The following CELSR1 variants were observed in gnomAD, a reference collection of about 807,000 sequenced individuals.
CELSR1 encodes adhesion G protein-coupled receptor C1.
A neutral mutation model predicts 249.1 loss-of-function variants in CELSR1; 110 were observed. The ratio of observed to expected loss-of-function variants is 0.44; its 90% confidence interval spans 0.38 to 0.52. CELSR1 has a LOEUF of 0.52. CELSR1 is among the 20% of genes least tolerant of loss of function. The probability of loss-of-function intolerance (pLI) is 0.00; values close to 1 mark genes in which losing one functional copy is unlikely to be tolerated. For missense variants in CELSR1, 4,109 were observed against 4,296.4 expected, an observed-to-expected ratio of 0.96 and a Z score of 1.22; for synonymous variants, 2,113 against 1,900.0, an observed-to-expected ratio of 1.11 and a Z score of -2.92.
In CELSR1 at chr22:46,423,890, G is replaced by A. The variant is rs2079507892; in HGVS notation, c.4611+9503C>T. On this transcript the variant is annotated intron_variant, in intron 5 of 34. Transcript: ENST00000674500. This position sits in a 1 kb window ranked among gnomAD's most constrained non-coding sequence, Gnocchi z 5.6. ...CTTGGGAGGCTGAGGGCAGGAGAATGGCTTGAACTCAGGAGGCGGAGGTTG... is the reference window on the plus strand; with the variant it reads ...CTTGGGAGGCTGAGGGCAGGAGAATAGCTTGAACTCAGGAGGCGGAGGTTG... Among the ~76,000 whole-genome samples, 2 of 151,452 alleles carry A rather than the reference G, an allele frequency of 1.3e-5. No homozygotes were observed. Among genetic ancestry groups the A allele is most frequent in the East Asian group, 3.9e-4 (2 of 5,120 alleles).
intron 1 of CELSR1, among the ~76,000 whole-genome samples, chr22:46,507,113 G>T (rs191542282): frequency 6.6e-6 from 1 of 152,188 alleles, no homozygotes. Flanking sequence ...TTGAACCAGG[G>T]AGGCGGAGGT....
In CELSR1 at chr22:46,437,641, C is replaced by G. The variant is rs1460441529; in HGVS notation, c.4407-1352G>C. On this transcript the variant is annotated intron_variant, in intron 3 of 34. Coordinates refer to ENST00000674500, the MANE Select transcript of CELSR1 (RefSeq NM_001378328.1). The surrounding 1 kb of genome is among the most constrained non-coding windows in gnomAD (Gnocchi z 4.9). ...TGGTGGGCACCTGTAATCCCAGCTA[C>G]TCAAGAGGTTGAGGCAGGAGAATTG... Among the ~76,000 whole-genome samples the G allele has an allele frequency of 6.6e-6, 1 of 151,878 alleles. No homozygotes were observed. Among genetic ancestry groups the G allele is most frequent in the African/African-American group, 2.4e-5 (1 of 41,286 alleles).
In CELSR1 at chr22:46,474,611, T is replaced by C. The variant is rs150058008; in HGVS notation, c.3545-10266A>G. 6.0e-3 allele frequency among the ~76,000 whole-genome samples: 912 copies of C among 152,190 alleles called. 10 individuals are homozygous for C. The highest frequency in any genetic ancestry group is 0.021 in the African/African-American group (854 of 41,516). The stretch of plus-strand genomic sequence containing the variant: ...TTCAAAATCCTTTCCTCTAGCTATT[T>C]TGAAATATACAATACAATATTATTA... On this transcript the variant is annotated intron_variant, in intron 1 of 34. Transcript: ENST00000674500.
intron 5 of CELSR1, among the ~76,000 whole-genome samples, chr22:46,426,537 G>A (rs1224221417): frequency 2.6e-5 from 4 of 152,108 alleles, no homozygotes; most frequent in Non-Finnish European, 5.9e-5. Context: ...CATTCCACTC[G>A]CGGGAGACCC....
rs562861318 is a variant in CELSR1 at position 46,475,829 on chromosome 22, C to G, written c.3545-11484G>C. Among the ~76,000 whole-genome samples, 5 of 152,248 alleles carry G rather than the reference C, an allele frequency of 3.3e-5. No individual in the cohort carries two copies. The South Asian group carries it at 1.0e-3, about 32-fold the overall frequency. The stretch of plus-strand genomic sequence containing the variant: ...ACAAAATAAAGCTCATATCCTAAGG[C>G]AGAAGTTAGAATCTAATTCAGGATT... On this transcript the variant is annotated intron_variant, in intron 1 of 34. Transcript: ENST00000674500.
chr22:46,490,246 G>GGGATT lies in CELSR1; in HGVS notation c.3545-25906_3545-25902dup, dbSNP rs1278730427. On this transcript the variant is annotated intron_variant, in intron 1 of 34. Coordinates refer to ENST00000674500, the MANE Select transcript of CELSR1 (RefSeq NM_001378328.1). The surrounding 1 kb of genome is among the most constrained non-coding windows in gnomAD (Gnocchi z 5.2). Reference sequence around the variant, plus strand: ...ATCTCATGAGACAGGAGCCAAAAGAGGGATTCCCCAGGGTCACCTGGAGAG... The same window carrying GGGATT: ...ATCTCATGAGACAGGAGCCAAAAGAGGGATTGGATTCCCCAGGGTCACCTGGAGAG... 6.6e-6 allele frequency among the ~76,000 whole-genome samples: 1 copy of GGGATT among 152,164 alleles called. No homozygotes were observed. Among genetic ancestry groups the GGGATT allele is most frequent in the Non-Finnish European group, 1.5e-5 (1 of 68,034 alleles).
In CELSR1 at chr22:46,362,174, G is replaced by A. The variant is rs909328742; in HGVS notation, c.*1049C>T. Reference sequence around the variant, plus strand: ...AACGCTTTAAGGTCCCAGGTCCCACGGGGAGCAGGAGCAAAGGACAAAGCC... The same window carrying A: ...AACGCTTTAAGGTCCCAGGTCCCACAGGGAGCAGGAGCAAAGGACAAAGCC... On this transcript the variant is annotated 3_prime_UTR_variant, in exon 35 of 35. Transcript: ENST00000674500. 4 of 152,252 alleles carry A rather than the reference G, an allele frequency of 2.6e-5. No homozygotes were observed. The highest frequency in any genetic ancestry group is 7.2e-5 in the African/African-American group (3 of 41,458). 9.4% of individuals were successfully genotyped at this position (152,252 alleles called of 1,614,324 possible). A position where few individuals can be genotyped will look rare whatever the true frequency, so the allele number is the denominator to read the frequency against.
rs368031445 is a variant in CELSR1 at position 46,471,370 on chromosome 22, C to T, written c.3545-7025G>A. 1.7e-4 allele frequency among the ~76,000 whole-genome samples: 26 copies of T among 152,128 alleles called. No homozygotes were observed. Among genetic ancestry groups the T allele is most frequent in the South Asian group, 8.3e-4 (4 of 4,818 alleles). On this transcript the variant is annotated intron_variant, in intron 1 of 34. Transcript: ENST00000674500. This position sits in a 1 kb window ranked among gnomAD's most constrained non-coding sequence, Gnocchi z 4.9. ...CAGGCCCCTATTAGTTACGTTATTA[C>T]ATTAGCATGGTAGGTTTGGGGGTCT... is the stretch of plus-strand genomic sequence containing the variant.
At position 46,374,247 on chromosome 22, in the gene CELSR1, G is replaced by T. The variant is rs933289862; in HGVS notation, c.7585-1190C>A. Among the ~76,000 whole-genome samples, 3 of 152,226 alleles carry T rather than the reference G, an allele frequency of 2.0e-5. No homozygotes were observed. The highest frequency in any genetic ancestry group is 4.8e-5 in the African/African-American group (2 of 41,466). ...TGGCTCAGGAAAAGGAAGGGGGTGA[G>T]AAGGTTGGTTGGCTGGATGGCTGCT... is the stretch of plus-strand genomic sequence containing the variant. On this transcript the variant is annotated intron_variant, in intron 24 of 34. Coordinates refer to ENST00000674500, the MANE Select transcript of CELSR1 (RefSeq NM_001378328.1). This position sits in a 1 kb window ranked among gnomAD's most constrained non-coding sequence, Gnocchi z 4.3.
rs1489945870 is a variant in CELSR1, at chr22:46,436,010, T to A, written c.4522+164A>T. 6.6e-6 allele frequency among the ~76,000 whole-genome samples: 1 copy of A among 152,176 alleles called. No individual in the cohort carries two copies. The highest frequency in any genetic ancestry group is 1.5e-5 in the Non-Finnish European group (1 of 68,030). On this transcript the variant is annotated intron_variant, in intron 4 of 34. Transcript: ENST00000674500. The surrounding 1 kb of genome is among the most constrained non-coding windows in gnomAD (Gnocchi z 5.9). ...CACCACGCCCGGCCTGTTATGAACATCTTTGTGTACTTTGGATTTCTTAAA... is the reference window on the plus strand; with the variant it reads ...CACCACGCCCGGCCTGTTATGAACAACTTTGTGTACTTTGGATTTCTTAAA...
chr22:46,507,765 AG>A (rs891543372), intron 1 of CELSR1, among the ~76,000 whole-genome samples: 4 of 151,282 alleles, frequency 2.6e-5, no homozygotes, highest in African/African-American at 9.7e-5. Flanking sequence ...TCAGTGGGGC[AG>A]GGGCCCCACT....
rs1474138670 is a variant in CELSR1 at position 46,406,281 on chromosome 22, G to C, written c.5226+2715C>G. On this transcript the variant is annotated intron_variant, in intron 9 of 34. Coordinates refer to ENST00000674500, the MANE Select transcript of CELSR1 (RefSeq NM_001378328.1). This position sits in a 1 kb window ranked among gnomAD's most constrained non-coding sequence, Gnocchi z 5.4. ...AAGTTTTGGCCTGGAGCAAGCTTCT[G>C]GGGCTGCCTGGGAGACTCATGAAAT... Among the ~76,000 whole-genome samples the C allele has an allele frequency of 2.6e-5, 4 of 152,220 alleles. No individual in the cohort carries two copies. Among genetic ancestry groups the C allele is most frequent in the Non-Finnish European group, 4.4e-5 (3 of 68,040 alleles).
At chr22:46,463,472 C>T (rs903112978) in intron 2 of CELSR1, among the ~76,000 whole-genome samples, 15 of 151,338 alleles carry the variant, frequency 9.9e-5, no homozygotes, top group South Asian at 2.1e-4. Flanking sequence ...GCGAAGATTA[C>T]GCCACTGCAC....
intron 3 of CELSR1, 39 bp downstream of exon 3, chr22:46,439,150 A>T: frequency 6.4e-7 from 1 of 1,573,360 alleles, no homozygotes; most frequent in Non-Finnish European, 8.7e-7. Context: ...CCCCTTTCCT[A>T]AAGAGACCCC....
chr22:46,370,736 G>A (rs957348802), intron 25 of CELSR1, among the ~76,000 whole-genome samples: 1 of 152,232 alleles, frequency 6.6e-6, no homozygotes, highest in African/African-American at 2.4e-5. Context: ...GCCCTCTGGA[G>A]GAGCCAGTTA....
rs534737219 is a variant in CELSR1, at chr22:46,389,312, G to C, written c.6533C>G (p.Thr2178Arg). The change falls in exon 18 of 35, where the codon ACG becomes AGG. Residue 2178 changes from threonine (T) to arginine (R), a missense_variant. This residue lies in a region of CELSR1 where 1,805 missense variants were observed against 1,831.6 expected (regional missense o/e 0.99). Transcript: ENST00000674500. The part of the protein sequence containing the change: ...SWQQGFDLAA[T>R]QDADFHEDVI... ...TACCTCGTGAAAGTCGGCGTCCTGC[G>C]TGGCTGCCAGGTCGAAGCCCTGCTG... 3 of 1,607,824 alleles carry C rather than the reference G, an allele frequency of 1.9e-6. No homozygotes were observed. Among genetic ancestry groups the C allele is most frequent in the East Asian group, 2.2e-5 (1 of 44,894 alleles).
Position 46,527,683 on chromosome 22 carries a change from C to T in CELSR1, c.3544+5944G>A, listed in dbSNP as rs2147807500. On this transcript the variant is annotated intron_variant, in intron 1 of 34. Coordinates refer to ENST00000674500, the MANE Select transcript of CELSR1 (RefSeq NM_001378328.1). This position sits in a 1 kb window ranked among gnomAD's most constrained non-coding sequence, Gnocchi z 5.5. Reference sequence around the variant, plus strand: ...CAGTGTTTCTCAAGGTATGAGCAAGCCACTGTCTCCAGACTTATCAGAGCT... The same window carrying T: ...CAGTGTTTCTCAAGGTATGAGCAAGTCACTGTCTCCAGACTTATCAGAGCT... 6.6e-6 allele frequency among the ~76,000 whole-genome samples: 1 copy of T among 152,332 alleles called. No homozygotes were observed. The highest frequency in any genetic ancestry group is 2.1e-4 in the South Asian group (1 of 4,832).
In CELSR1 at chr22:46,399,833, C is replaced by G. The variant is rs766752592; in HGVS notation, c.5296G>C (p.Gly1766Arg). ...CACTCCCCGTCGGTCACCCGCAACCCGGACAGCATCACGGACTCCACATCG... is the reference window on the plus strand; with the variant it reads ...CACTCCCCGTCGGTCACCCGCAACCGGGACAGCATCACGGACTCCACATCG... Reference protein sequence around the residue: ...PSDVESVMLSGLRVTDGEWHH... With the variant: ...PSDVESVMLSRLRVTDGEWHH... The change falls in exon 10 of 35, where the codon GGG becomes CGG. Residue 1766 changes from glycine to arginine, a missense_variant. This residue lies in a region of CELSR1 where 1,805 missense variants were observed against 1,831.6 expected (regional missense o/e 0.99). Coordinates refer to ENST00000674500, the MANE Select transcript of CELSR1 (RefSeq NM_001378328.1). The surrounding 1 kb of genome is among the most constrained non-coding windows in gnomAD (Gnocchi z 5.0). 9.3e-6 allele frequency: 15 copies of G among 1,614,024 alleles called. No individual in the cohort carries two copies. Among genetic ancestry groups the G allele is most frequent in the African/African-American group, 1.3e-5 (1 of 74,922 alleles).
At position 46,399,866 on chromosome 22, in the gene CELSR1, C is replaced by T. The variant is rs745985122; in HGVS notation, c.5263G>A (p.Gly1755Ser). 3.7e-6 allele frequency: 6 copies of T among 1,614,048 alleles called. No homozygotes were observed. Among genetic ancestry groups the T allele is most frequent in the East Asian group, 2.2e-5 (1 of 44,872 alleles). The stretch of plus-strand genomic sequence containing the variant: ...ATCACGGACTCCACATCGGAGGGGC[C>T]GTGGGACACCTCAAACTGGAGGTAG... ...NNYLQFEVSH[G>S]PSDVESVMLS... The change falls in exon 10 of 35, where the codon GGC (glycine) becomes AGC (serine). Residue 1755 changes from glycine to serine, a missense_variant. By Grantham distance (56) the Gly-to-Ser change is moderately conservative. This residue lies in a region of CELSR1 where 1,805 missense variants were observed against 1,831.6 expected (regional missense o/e 0.99). Coordinates refer to ENST00000674500, the MANE Select transcript of CELSR1 (RefSeq NM_001378328.1). The surrounding 1 kb of genome is among the most constrained non-coding windows in gnomAD (Gnocchi z 5.0).
Sources: allele counts gnomAD v4.1 joint callset (sites outside exome capture counted in the v4.1 genomes callset), GRCh38; gene constraint gnomAD v4.1.1; regional missense constraint gnomAD v4.1.1; non-coding constraint Gnocchi (gnomAD v3.1); transcripts MANE v1.5; gene names NCBI Gene and HGNC (gene_info 2026-07-23, HGNC 2026-07-21).